Variants in ERBB4 observed in about 807,000 individuals in gnomAD.
ERBB4 encodes the protein erb-b2 receptor tyrosine kinase 4, also known as receptor tyrosine-protein kinase erbB-4.
Under a neutral mutation model 158.0 loss-of-function variants are expected in ERBB4, and 42 were observed. The ratio of observed to expected loss-of-function variants is 0.27; its 90% CI spans 0.21 to 0.34. The LOEUF is 0.34. Ranked by LOEUF, ERBB4 falls within the 10% of genes least tolerant of loss-of-function variation. ERBB4 has a pLI of 1.00. For synonymous variants in ERBB4, 583 were observed against 558.7 expected (o/e 1.04, Z -0.61); for missense variants, 1,333 against 1,624.1 (o/e 0.82, Z 3.08).
At chr2:212,421,627 G>A (rs1288773994) in intron 1 of ERBB4, among the ~76,000 whole-genome samples, 1 of 152,114 alleles carries the variant, frequency 6.6e-6, no homozygotes, top group Admixed American at 6.6e-5. Context: ...CTGAAAATTA[G>A]TGTTTTTCAA....
intron 1 of ERBB4, among the ~76,000 whole-genome samples, chr2:212,393,438 A>G (rs2090936332): frequency 1.3e-5 from 2 of 152,172 alleles, no homozygotes; most frequent in South Asian, 2.1e-4. Flanking sequence ...TACTTATGAT[A>G]TAATAATAAC....
chr2:212,525,017 A>T (rs1398050487), intron 1 of ERBB4, among the ~76,000 whole-genome samples: 1 of 151,958 alleles, frequency 6.6e-6, no homozygotes, highest in Non-Finnish European at 1.5e-5. Flanking sequence ...CAGGGAAGGT[A>T]CCAGGGAAAC....
chr2:211,478,522 T>G (rs776666976), intron 20 of ERBB4, among the ~76,000 whole-genome samples: 3 of 152,150 alleles, frequency 2.0e-5, no homozygotes, highest in Non-Finnish European at 4.4e-5. Flanking sequence ...TTTCCAGAAG[T>G]AAAGTCATTT....
chr2:211,507,706 AGGCATCACACTAC>A (rs1344123042), intron 20 of ERBB4, among the ~76,000 whole-genome samples: 3 of 152,148 alleles, frequency 2.0e-5, no homozygotes, highest in Non-Finnish European at 4.4e-5. Context: ...GCAAAGCTGG[AGGCATCACACTAC>A]CTGACTTCAA....
At chr2:211,805,700 A>G (rs4672626) in intron 3 of ERBB4, among the ~76,000 whole-genome samples, 135,716 of 152,100 alleles carry the variant, frequency 0.89, 60,668 homozygotes, top group East Asian at 0.95. Context: ...TAAGATGAAC[A>G]ACAAGGGTGG....
chr2:212,169,243 T>C (rs1533771), intron 1 of ERBB4, among the ~76,000 whole-genome samples: 19,666 of 152,092 alleles, frequency 0.13, 4,275 homozygotes, highest in African/African-American at 0.45. Context: ...TAAAGATACA[T>C]TCCTCACAAA....
chr2:212,360,561 G>A (rs2089649110), intron 1 of ERBB4, among the ~76,000 whole-genome samples: 1 of 151,560 alleles, frequency 6.6e-6, no homozygotes, highest in South Asian at 2.1e-4. Context: ...CTAATGTTTG[G>A]CATATCATGG....
chr2:212,292,689 T>C (rs1435535499), intron 1 of ERBB4, among the ~76,000 whole-genome samples: 1 of 152,056 alleles, frequency 6.6e-6, no homozygotes, highest in East Asian at 1.9e-4. Flanking sequence ...TGACCATTAA[T>C]GCAAAAGGAT....
chr2:211,393,350 CAAAA>C (rs748083557), intron 25 of ERBB4, among the ~76,000 whole-genome samples: 6 of 152,008 alleles, frequency 3.9e-5, no homozygotes, highest in Non-Finnish European at 8.8e-5. Context: ...ATTTTATAGA[CAAAA>C]AAATTGTGGA....
intron 1 of ERBB4, among the ~76,000 whole-genome samples, chr2:212,223,427 ATT>A (rs61444594): frequency 1.5e-5 from 2 of 130,930 alleles, no homozygotes; most frequent in African/African-American, 5.3e-5. Context: ...ATATATATAT[ATT>A]TTTTTTATTT....
intron 2 of ERBB4, among the ~76,000 whole-genome samples, chr2:211,957,485 C>T (rs563776298): frequency 6.6e-6 from 1 of 152,022 alleles, no homozygotes; most frequent in Non-Finnish European, 1.5e-5. Context: ...TATGGCATTC[C>T]TAGCAAACTA....
At chr2:212,379,842 T>C (rs965243181) in intron 1 of ERBB4, among the ~76,000 whole-genome samples, 1 of 151,190 alleles carries the variant, frequency 6.6e-6, no homozygotes, top group Admixed American at 6.6e-5. Context: ...TCTGTGTGTG[T>C]GTGCATTTTC....
chr2:211,994,284 C>T (rs2082145559), intron 2 of ERBB4, among the ~76,000 whole-genome samples: 1 of 151,862 alleles, frequency 6.6e-6, no homozygotes, highest in South Asian at 2.1e-4. Flanking sequence ...ACACATGCCA[C>T]CACACTCAGC....
At chr2:211,653,053 T>C (rs914584019) in intron 16 of ERBB4, among the ~76,000 whole-genome samples, 1 of 152,162 alleles carries the variant, frequency 6.6e-6, no homozygotes, top group African/African-American at 2.4e-5. Flanking sequence ...TCAGAATCTA[T>C]ATGAAAATAG....
rs567525268 is a variant in ERBB4 at position 211,378,135 on chromosome 2, C to CA, written c.*5479dup. The CA allele has an allele frequency of 1.9e-4, 44 of 231,782 alleles. No individual in the cohort carries two copies. The highest frequency in any genetic ancestry group is 9.3e-4 in the African/African-American group (42 of 45,122). The allele number at this position is 231,782 out of a possible 1,614,324, so 14.4% of individuals were successfully genotyped here. A position where few individuals can be genotyped will look rare whatever the true frequency, so the allele number is the denominator to read the frequency against. The stretch of plus-strand genomic sequence containing the variant: ...GAGCAGTGCCAGTTGTGTCAATGGG[C>CA]AAAAAAGGGAAGGATTCTATTTTCC... On this transcript the variant is annotated 3_prime_UTR_variant, in exon 28 of 28. Coordinates refer to ENST00000342788, the MANE Select transcript of ERBB4 (RefSeq NM_005235.3).
intron 2 of ERBB4, among the ~76,000 whole-genome samples, chr2:212,003,148 G>GGAAGGAAAGAAAGAAA (rs2076153427): frequency 7.2e-4 from 11 of 15,194 alleles, no homozygotes; most frequent in African/African-American, 1.5e-3. Context: ...AAGGAAGGAA[G>GGAAGGAAAGAAAGAAA]GAAAGAAAGA....
At chr2:212,011,785 G>C (rs2076394136) in intron 2 of ERBB4, among the ~76,000 whole-genome samples, 1 of 151,794 alleles carries the variant, frequency 6.6e-6, no homozygotes, top group Admixed American at 6.6e-5. Flanking sequence ...CACAGGTAGT[G>C]ATGTGAACTT....
intron 4 of ERBB4, among the ~76,000 whole-genome samples, chr2:211,785,186 C>T (rs1421702340): frequency 6.6e-6 from 1 of 151,908 alleles, no homozygotes; most frequent in Non-Finnish European, 1.5e-5. Context: ...ACTGCAAGCC[C>T]CGCCTCCTGG....
rs143951482 is a variant in ERBB4 at position 211,962,225 on chromosome 2, GAC to G, written c.235-14611_235-14610del. Among the ~76,000 whole-genome samples the G allele has an allele frequency of 2.9e-3, 446 of 152,156 alleles. 4 individuals are homozygous for G. Among genetic ancestry groups the G allele is most frequent in the African/African-American group, 0.01 (420 of 41,544 alleles). ...CCATCAAGTGGAAAAAATAAGAAAA[GAC>G]ATAAAAATGTCCCTTGCCTTTTCAC... is the stretch of plus-strand genomic sequence containing the variant. On this transcript the variant is annotated intron_variant, in intron 2 of 27. Coordinates refer to ENST00000342788, the MANE Select transcript of ERBB4 (RefSeq NM_005235.3).
Sources: allele counts gnomAD v4.1 joint callset (sites outside exome capture counted in the v4.1 genomes callset), GRCh38; gene constraint gnomAD v4.1.1; transcripts MANE v1.5; gene names NCBI Gene and HGNC (gene_info 2026-07-23, HGNC 2026-07-21).